Variants in DCAKD observed in about 807,000 individuals in gnomAD.
DCAKD encodes the protein dephospho-CoA kinase domain-containing protein.
Under a neutral mutation model 18.7 loss-of-function variants are expected in DCAKD, and 15 were observed. The ratio of observed to expected loss-of-function variants is 0.80; its 90% CI spans 0.54 to 1.24. The LOEUF is 1.24. Ranked by LOEUF, DCAKD falls within the 50% of genes most tolerant of loss-of-function variation. DCAKD has a pLI of 0.00. For missense variants in DCAKD, 301 were observed against 322.0 expected, an observed-to-expected ratio of 0.93 and a Z score of 0.50; for synonymous variants, 130 against 133.0, an observed-to-expected ratio of 0.98 and a Z score of 0.16.
chr17:45,036,863 A>T (rs2053313002), intron 1 of DCAKD, among the ~76,000 whole-genome samples: 1 of 152,138 alleles, frequency 6.6e-6, no homozygotes, highest in South Asian at 2.1e-4. Flanking sequence ...CTTCTCCAGG[A>T]CTGTAAAATC....
chr17:45,026,923 G>C, intron 4 of DCAKD: 2 of 618,062 alleles, frequency 3.2e-6, no homozygotes, highest in African/African-American at 2.0e-5. Flanking sequence ...CCTGGATGTG[G>C]GGCAGCACCT....
chr17:45,052,394 C>A (rs1471873608), upstream of DCAKD, among the ~76,000 whole-genome samples: 4 of 105,236 alleles, frequency 3.8e-5, no homozygotes, highest in Non-Finnish European at 7.0e-5. Flanking sequence ...TGGATACTAT[C>A]ATCATCCCCA....
Position 45,034,811 on chromosome 17 carries a change from G to C in DCAKD, c.75C>G (p.Gly25=). The change falls in exon 2 of 5, where the codon GGC becomes GGG. Residue 25 remains glycine, a synonymous_variant. Coordinates refer to ENST00000651974, the MANE Select transcript of DCAKD (RefSeq NM_001288655.2). Reference sequence around the variant, plus strand: ...TCACGTCCACGTCAATCACCGCACAGCCCAGCTGCTGGAACACCTGGATCA... The same window carrying C: ...TCACGTCCACGTCAATCACCGCACACCCCAGCTGCTGGAACACCTGGATCA... ...SSVIQVFQQL[G]CAVIDVDVMA... The C allele has an allele frequency of 6.2e-7, 1 of 1,614,220 alleles. No individual in the cohort carries two copies. Among genetic ancestry groups the C allele is most frequent in the Non-Finnish European group, 8.5e-7 (1 of 1,180,028 alleles).
In DCAKD at chr17:45,051,550, T is replaced by C. The variant is rs1473735012; in HGVS notation, c.-304A>G. On this transcript the variant is annotated 5_prime_UTR_variant, in exon 1 of 5. Coordinates refer to ENST00000651974, the MANE Select transcript of DCAKD (RefSeq NM_001288655.2). The stretch of plus-strand genomic sequence containing the variant: ...TCACCGGCCCGCGTGGCGCGCTACG[T>C]ACCCAGCGCCTCCGCCGTGGCCCAG... The C allele has an allele frequency of 1.3e-5, 2 of 151,252 alleles. No homozygotes were observed. The highest frequency in any genetic ancestry group is 4.8e-5 in the African/African-American group (2 of 41,252). The allele number at this position is 151,252 out of a possible 1,614,324, so 9.4% of individuals were successfully genotyped here. A position where few individuals can be genotyped will look rare whatever the true frequency, so the allele number is the denominator to read the frequency against.
At chr17:45,035,135 A>T in intron 1 of DCAKD, 136 bp from the exon 2 acceptor site, 2 of 469,868 alleles carry the variant, frequency 4.3e-6, no homozygotes, top group Non-Finnish European at 7.8e-6. Flanking sequence ...GGCCATCTGG[A>T]GAGGAGAAAC....
At chr17:45,044,743 T>A (rs1041431429) in intron 1 of DCAKD, among the ~76,000 whole-genome samples, 2 of 151,498 alleles carry the variant, frequency 1.3e-5, no homozygotes, top group African/African-American at 4.8e-5. Flanking sequence ...AAATAAAAGC[T>A]GTGGCAGAAG....
At chr17:45,040,433 C>G (rs2053408156) in intron 1 of DCAKD, among the ~76,000 whole-genome samples, 1 of 148,832 alleles carries the variant, frequency 6.7e-6, no homozygotes. Context: ...CAAGGGATGA[C>G]ATTACTGTTG....
intron 1 of DCAKD, among the ~76,000 whole-genome samples, chr17:45,049,051 C>T (rs1388057250): frequency 6.6e-6 from 1 of 152,010 alleles, no homozygotes; most frequent in Non-Finnish European, 1.5e-5. Context: ...CACTGCACTA[C>T]AGCCTGGGTG....
upstream of DCAKD, among the ~76,000 whole-genome samples, chr17:45,055,688 G>A (rs1459553429): frequency 6.6e-6 from 1 of 152,102 alleles, no homozygotes; most frequent in Admixed American, 6.6e-5. Context: ...GTCCCCCCAG[G>A]ATCTCCTGCC....
At chr17:45,046,870 G>GAGGTGCA (rs1433248080) in intron 1 of DCAKD, among the ~76,000 whole-genome samples, 1 of 152,046 alleles carries the variant, frequency 6.6e-6, no homozygotes, top group Non-Finnish European at 1.5e-5. Flanking sequence ...ATACTGAGGT[G>GAGGTGCA]AGGTGCACGG....
chr17:45,047,866 G>A (rs1184157721), intron 1 of DCAKD, among the ~76,000 whole-genome samples: 1 of 152,034 alleles, frequency 6.6e-6, no homozygotes, highest in Non-Finnish European at 1.5e-5. Context: ...AAAATGTTGA[G>A]ACTACAAGCA....
At chr17:45,029,410 G>T (rs1354445540) in intron 4 of DCAKD, among the ~76,000 whole-genome samples, 1 of 152,236 alleles carries the variant, frequency 6.6e-6, no homozygotes, top group Non-Finnish European at 1.5e-5. Flanking sequence ...CTATGTGTCT[G>T]CTGTACTTGT....
rs756171600 is a variant in DCAKD, at chr17:45,033,990, C to T, written c.316+197G>A. 60 of 1,591,488 alleles carry T rather than the reference C, an allele frequency of 3.8e-5. No homozygotes were observed. The Admixed American group carries it at 9.7e-4, about 26-fold the overall frequency. On this transcript the variant is annotated intron_variant, in intron 3 of 4. Coordinates refer to ENST00000651974, the MANE Select transcript of DCAKD (RefSeq NM_001288655.2). ...TGTCTCTTCTCATTAAACTGTCAGCCTCCTTAAGAGCTGAGGGAACGTGCT... is the reference window on the plus strand; with the variant it reads ...TGTCTCTTCTCATTAAACTGTCAGCTTCCTTAAGAGCTGAGGGAACGTGCT...
At chr17:45,056,513 G>A (rs1214661568), upstream of DCAKD, among the ~76,000 whole-genome samples, 4 of 151,722 alleles carry the variant, frequency 2.6e-5, no homozygotes, top group Non-Finnish European at 2.9e-5. Context: ...TTGCTCTGTC[G>A]CCCAGGTTGG....
At chr17:45,047,792 C>G (rs2053604113) in intron 1 of DCAKD, among the ~76,000 whole-genome samples, 1 of 151,682 alleles carries the variant, frequency 6.6e-6, no homozygotes. Flanking sequence ...CGTGAGCCAC[C>G]GCGTCTGGCC....
chr17:45,038,604 G>A (rs1223387225), intron 1 of DCAKD, among the ~76,000 whole-genome samples: 1 of 152,202 alleles, frequency 6.6e-6, no homozygotes. Flanking sequence ...ATAATTTCTT[G>A]ATTATCATAC....
intron 1 of DCAKD, among the ~76,000 whole-genome samples, chr17:45,039,977 C>T (rs1403169103): frequency 2.0e-5 from 3 of 151,898 alleles, no homozygotes; most frequent in African/African-American, 7.3e-5. Context: ...CCTGTAATCC[C>T]ACCTATTCGG....
At chr17:45,044,675 G>A (rs1055115946) in intron 1 of DCAKD, among the ~76,000 whole-genome samples, 5 of 90,522 alleles carry the variant, frequency 5.5e-5, no homozygotes, top group Admixed American at 2.7e-4. Flanking sequence ...CTGGGAGACA[G>A]AGAGAGACTC....
intron 1 of DCAKD, among the ~76,000 whole-genome samples, chr17:45,042,274 T>C (rs888771147): frequency 6.6e-6 from 1 of 152,176 alleles, no homozygotes; most frequent in Non-Finnish European, 1.5e-5. Context: ...TTTGGACTCG[T>C]CATGCTTTGG....
Sources: allele counts gnomAD v4.1 joint callset (sites outside exome capture counted in the v4.1 genomes callset), GRCh38; gene constraint gnomAD v4.1.1; transcripts MANE v1.5; gene names NCBI Gene and HGNC (gene_info 2026-07-23, HGNC 2026-07-21).